SERINC5: variants seen among roughly 807,000 people sequenced by gnomAD.
SERINC5 encodes serine incorporator 5.
A neutral mutation model predicts 63.1 loss-of-function variants in SERINC5; 41 were observed. The ratio of observed to expected loss-of-function variants is 0.65; its 90% CI spans 0.51 to 0.84. SERINC5 has a LOEUF of 0.84. Among genes scored for constraint, SERINC5 ranks in the 40% least tolerant of loss-of-function variants. SERINC5 has a pLI of 0.00. For synonymous variants in SERINC5, 222 were observed against 215.2 expected, an observed-to-expected ratio of 1.03 and a Z score of -0.28; for missense variants, 523 against 573.0, an observed-to-expected ratio of 0.91 and a Z score of 0.89.
At chr5:80,239,726 G>A (rs1049148407) in intron 1 of SERINC5, among the ~76,000 whole-genome samples, 7 of 152,016 alleles carry the variant, frequency 4.6e-5, no homozygotes, top group African/African-American at 1.4e-4. Context: ...CCCTCCCCAG[G>A]ATACAGGCAA....
At chr5:80,165,316 A>C (rs1175236987) in intron 7 of SERINC5, among the ~76,000 whole-genome samples, 2 of 152,178 alleles carry the variant, frequency 1.3e-5, no homozygotes, top group African/African-American at 2.4e-5. Flanking sequence ...ATATGCTAAA[A>C]CTTTCAAAAT....
At chr5:80,118,564 T>C (rs1261306173) in intron 11 of SERINC5, among the ~76,000 whole-genome samples, 2 of 152,048 alleles carry the variant, frequency 1.3e-5, no homozygotes, top group Non-Finnish European at 2.9e-5. Context: ...TTTCTTTCTT[T>C]TGAGACAGGG....
At chr5:80,129,462 C>A (rs1443479071) in intron 11 of SERINC5, among the ~76,000 whole-genome samples, 1 of 152,036 alleles carries the variant, frequency 6.6e-6, no homozygotes, top group Non-Finnish European at 1.5e-5. Context: ...CATCACCATG[C>A]CTGGATAAGT....
chr5:80,223,535 A>G (rs771684445), intron 1 of SERINC5, among the ~76,000 whole-genome samples: 1 of 152,164 alleles, frequency 6.6e-6, no homozygotes, highest in Non-Finnish European at 1.5e-5. Flanking sequence ...TTCTTTTATA[A>G]AATTATAACT....
intron 1 of SERINC5, among the ~76,000 whole-genome samples, chr5:80,247,645 A>T (rs1752222837): frequency 6.6e-6 from 1 of 152,164 alleles, no homozygotes; most frequent in Non-Finnish European, 1.5e-5. Flanking sequence ...GTGACAGAGG[A>T]TTACCTGACA....
rs1745623019 is a variant in SERINC5, at chr5:80,143,340, T to C, written c.*323A>G. On this transcript the variant is annotated 3_prime_UTR_variant, in exon 12 of 12. Transcript: ENST00000507668. ...TGGCCCCACAAGATATTTTTATCCCTGTGAAAAGATGCTGTGCCCCAAATT... is the reference window on the plus strand; with the variant it reads ...TGGCCCCACAAGATATTTTTATCCCCGTGAAAAGATGCTGTGCCCCAAATT... The C allele has an allele frequency of 3.8e-6, 4 of 1,056,772 alleles. No individual in the cohort carries two copies. The highest frequency in any genetic ancestry group is 7.3e-5 in the East Asian group (1 of 13,754). The allele number at this position is 1,056,772 out of a possible 1,614,324, so 65.5% of individuals were successfully genotyped here. A position where few individuals can be genotyped will look rare whatever the true frequency, so the allele number is the denominator to read the frequency against.
chr5:80,133,342 C>G (rs2112260843), intron 11 of SERINC5, among the ~76,000 whole-genome samples: 1 of 152,290 alleles, frequency 6.6e-6, no homozygotes, highest in South Asian at 2.1e-4. Context: ...AAAACTTGCT[C>G]TTGCTCTTGT....
rs530522575 is a variant in SERINC5 at position 80,177,684 on chromosome 5, G to A, written c.374+202C>T. ...AAACTCTTTGTCTTGAGTAAATTTC[G>A]CATCATGGTACCAGGTGTTACAAAT... is the stretch of plus-strand genomic sequence containing the variant. On this transcript the variant is annotated intron_variant, in intron 3 of 11. Transcript: ENST00000507668. Among the ~76,000 whole-genome samples, 4 of 152,238 alleles carry A rather than the reference G, an allele frequency of 2.6e-5. No homozygotes were observed. The East Asian group carries it at 7.7e-4, about 29-fold the overall frequency.
chr5:80,112,720 G>C (rs1744166579), intron 12 of SERINC5, among the ~76,000 whole-genome samples: 1 of 152,086 alleles, frequency 6.6e-6, no homozygotes, highest in African/African-American at 2.4e-5. Flanking sequence ...GCCGAGGTAG[G>C]AGGTTCACTT....
intron 1 of SERINC5, among the ~76,000 whole-genome samples, chr5:80,221,591 T>C (rs528761086): frequency 5.3e-5 from 8 of 152,338 alleles, no homozygotes; most frequent in African/African-American, 1.7e-4. Context: ...ATCTTGTCTA[T>C]GTTTTCAAGG....
At chr5:80,207,556 AGCCC>A (rs1561427122) in intron 1 of SERINC5, among the ~76,000 whole-genome samples, 3 of 152,190 alleles carry the variant, frequency 2.0e-5, no homozygotes, top group Non-Finnish European at 2.9e-5. Flanking sequence ...GTAAAAAGAA[AGCCC>A]TATTGGTTTA....
chr5:80,186,262 G>A lies in SERINC5; in HGVS notation c.196-8198C>T, dbSNP rs192443426. On this transcript the variant is annotated intron_variant, in intron 2 of 11. Transcript: ENST00000507668. The stretch of plus-strand genomic sequence containing the variant: ...AGTGATTCTCCTGCCTCAGCCTCCC[G>A]AGTAGCTGGGATTACAGGTGCCTGC... Among the ~76,000 whole-genome samples the A allele has an allele frequency of 1.3e-3, 204 of 151,368 alleles. 2 individuals are homozygous for A. The highest frequency in any genetic ancestry group is 2.1e-3 in the South Asian group (10 of 4,754).
At chr5:80,149,622 C>G (rs1746044421) in intron 9 of SERINC5, among the ~76,000 whole-genome samples, 1 of 152,216 alleles carries the variant, frequency 6.6e-6, no homozygotes. Flanking sequence ...AACACAGATC[C>G]TGGGGCCAGA....
chr5:80,222,501 T>A (rs547984803), intron 1 of SERINC5, among the ~76,000 whole-genome samples: 38 of 152,084 alleles, frequency 2.5e-4, no homozygotes, highest in African/African-American at 8.4e-4. Context: ...AAATCCAAAA[T>A]TGTGACCTCA....
At chr5:80,131,084 G>A (rs576748390) in intron 11 of SERINC5, among the ~76,000 whole-genome samples, 1 of 152,262 alleles carries the variant, frequency 6.6e-6, no homozygotes, top group African/African-American at 2.4e-5. Context: ...TGTGAGGATG[G>A]TGACTGATAT....
At chr5:80,158,634 T>G (rs1746685983) in intron 8 of SERINC5, 3 of 543,584 alleles carry the variant, frequency 5.5e-6, no homozygotes, top group Non-Finnish European at 9.8e-6. Flanking sequence ...ACATACCATA[T>G]ATTTGCTTTA....
rs4704619 is a variant in SERINC5, at chr5:80,141,616, C to T, written c.*2047G>A. On this transcript the variant is annotated 3_prime_UTR_variant, in exon 12 of 12. Transcript: ENST00000507668. ...CCCTCAGGGTGTTTCCTAAAGACAA[C>T]CCCCAAGGCCCTAGGCCACTGCAAC... 293,066 of 985,256 alleles carry T rather than the reference C, an allele frequency of 0.3. 45,281 individuals are homozygous for T. Among genetic ancestry groups the T allele is most frequent in the Admixed American group, 0.35 (5,701 of 16,248 alleles). The allele number at this position is 985,256 out of a possible 1,614,324, so 61.0% of individuals were successfully genotyped here.
At chr5:80,185,282 A>C (rs372445925) in intron 2 of SERINC5, among the ~76,000 whole-genome samples, 1 of 152,124 alleles carries the variant, frequency 6.6e-6, no homozygotes, top group African/African-American at 2.4e-5. Context: ...ACAGCTCATA[A>C]GACTTCCATT....
At chr5:80,172,750 C>A (rs1349309786) in intron 5 of SERINC5, among the ~76,000 whole-genome samples, 1 of 152,136 alleles carries the variant, frequency 6.6e-6, no homozygotes, top group African/African-American at 2.4e-5. Flanking sequence ...GATGGGGAGA[C>A]AGCATGAATT....
Sources: allele counts gnomAD v4.1 joint callset (sites outside exome capture counted in the v4.1 genomes callset), GRCh38; gene constraint gnomAD v4.1.1; transcripts MANE v1.5; gene names NCBI Gene and HGNC (gene_info 2026-07-23, HGNC 2026-07-21).